Variants in NFKBIE observed in about 807,000 individuals in gnomAD.
NFKBIE encodes the protein NFKB inhibitor epsilon, also known as NF-kappa-B inhibitor epsilon.
Under a neutral mutation model 31.6 loss-of-function variants are expected in NFKBIE, and 11 were observed. The ratio of observed to expected loss-of-function variants is 0.35; its 90% confidence interval spans 0.22 to 0.58. NFKBIE has a LOEUF of 0.58. Ranked by LOEUF, NFKBIE falls within the 20% of genes least tolerant of loss-of-function variation. NFKBIE has a pLI of 0.83. For missense variants in NFKBIE, 354 were observed against 465.7 expected (o/e 0.76, Z 2.21); for synonymous variants, 208 against 210.1 (o/e 0.99, Z 0.09).
At position 44,265,083 on chromosome 6, in the gene NFKBIE, G is replaced by A. The variant is rs1470199340; in HGVS notation, c.264C>T (p.Pro88=). 1.9e-6 allele frequency: 3 copies of A among 1,560,570 alleles called. No individual in the cohort carries two copies. The highest frequency in any genetic ancestry group is 2.6e-6 in the Non-Finnish European group (3 of 1,151,308). The change falls in exon 1 of 6, where the codon CCC becomes CCT. Residue 88 remains proline (P), a synonymous_variant. Transcript: ENST00000619360. ...LTYTLSLLGG[P]EAEDPAPRLP... is the part of the protein sequence containing the mutation. Reference sequence around the variant, plus strand: ...GGCGTGGGGCCGGGTCCTCAGCCTCGGGGCCCCCCAGCAAGGACAGGGTGT... The same window carrying A: ...GGCGTGGGGCCGGGTCCTCAGCCTCAGGGCCCCCCAGCAAGGACAGGGTGT...
In NFKBIE at chr6:44,261,554, G is replaced by A; in HGVS notation, c.691+72C>T. ...CAAGCTGGGACCCTCCCTTCCCCAA[G>A]AGTGAGGTCCCTATCTCCTATGCCC... On this transcript the variant is annotated intron_variant, in intron 3 of 5. Transcript: ENST00000619360. This position sits in a 1 kb window ranked among gnomAD's most constrained non-coding sequence, Gnocchi z 4.3. The A allele has an allele frequency of 6.6e-7, 1 of 1,510,974 alleles. No homozygotes were observed. The highest frequency in any genetic ancestry group is 9.1e-7 in the Non-Finnish European group (1 of 1,098,546). 93.6% of individuals were successfully genotyped at this position (1,510,974 alleles called of 1,614,324 possible). A position where few individuals can be genotyped will look rare whatever the true frequency, so the allele number is the denominator to read the frequency against.
At position 44,260,826 on chromosome 6, in the gene NFKBIE, A is replaced by AACACACAC. The variant is rs369958691; in HGVS notation, c.692-295_692-288dup. ...CACCCTCCTCCTATACACAAACTACAACACACACACACACACACACACACA... is the reference window on the plus strand; with the variant it reads ...CACCCTCCTCCTATACACAAACTACAACACACACACACACACACACACACACACACACA... On this transcript the variant is annotated intron_variant, in intron 3 of 5. Transcript: ENST00000619360. This position sits in a 1 kb window ranked among gnomAD's most constrained non-coding sequence, Gnocchi z 5.5. Among the ~76,000 whole-genome samples the AACACACAC allele has an allele frequency of 3.1e-3, 375 of 119,138 alleles. No homozygotes were observed. Among genetic ancestry groups the AACACACAC allele is most frequent in the East Asian group, 5.5e-3 (20 of 3,644 alleles). The allele number at this position is 119,138 out of a possible 152,430, so 78.2% of individuals were successfully genotyped here.
In NFKBIE at chr6:44,258,949, G is replaced by A. The variant is rs1228307231; in HGVS notation, c.*270C>T. The A allele has an allele frequency of 6.2e-6, 2 of 324,430 alleles. No individual in the cohort carries two copies. The highest frequency in any genetic ancestry group is 1.2e-5 in the Non-Finnish European group (2 of 166,372). The allele number at this position is 324,430 out of a possible 1,614,324, so 20.1% of individuals were successfully genotyped here. A position where few individuals can be genotyped will look rare whatever the true frequency, so the allele number is the denominator to read the frequency against. The stretch of plus-strand genomic sequence containing the variant: ...AAGAGCACCTGCCATTTTCAAGAGA[G>A]GCAAACAGGCTTCACCCAGGATACC... On this transcript the variant is annotated 3_prime_UTR_variant, in exon 6 of 6. Transcript: ENST00000619360.
chr6:44,262,572 A>G lies in NFKBIE; in HGVS notation c.456T>C (p.Asn152=), dbSNP rs1781960714. 2 of 1,613,948 alleles carry G rather than the reference A, an allele frequency of 1.2e-6. No homozygotes were observed. Among genetic ancestry groups the G allele is most frequent in the Non-Finnish European group, 1.7e-6 (2 of 1,179,882 alleles). ...TCTCGCCACCAACCTGGTAAAGGTT[A>G]TTTTGAATGTCCAGGACCTCCTGGG... ...LLPQEVLDIQ[N]NLYQTALHLA... is the part of the protein sequence containing the mutation. Residue 152 remains asparagine, a synonymous_variant, in exon 2 of 6, where the codon AAT becomes AAC. Coordinates refer to ENST00000619360, the MANE Select transcript of NFKBIE (RefSeq NM_004556.3).
rs976281849 is a variant in NFKBIE at position 44,265,482 on chromosome 6, G to C, written c.-136C>G. The stretch of plus-strand genomic sequence containing the variant: ...GCGGCGGCCTCCTTCCCGGGCTGTG[G>C]GGCTCCGAGGGGCCGGCGCGCAGCG... On this transcript the variant is annotated 5_prime_UTR_variant, in exon 1 of 6. Transcript: ENST00000619360. 9.2e-6 allele frequency: 14 copies of C among 1,527,900 alleles called. No homozygotes were observed. The highest frequency in any genetic ancestry group is 1.1e-5 in the Non-Finnish European group (13 of 1,140,958). 94.6% of individuals were successfully genotyped at this position (1,527,900 alleles called of 1,614,324 possible).
rs1781938500 is a variant in NFKBIE at position 44,261,964 on chromosome 6, G to A, written c.469-116C>T. 6.8e-6 allele frequency: 6 copies of A among 887,678 alleles called. No homozygotes were observed. The highest frequency in any genetic ancestry group is 9.9e-6 in the Non-Finnish European group (6 of 608,140). The allele number at this position is 887,678 out of a possible 1,614,324, so 55.0% of individuals were successfully genotyped here. ...ATCTTCTTTGAAAGCAGCTTATAAA[G>A]GCCATAACCTGTTCTTCCAAGGAAA... is the stretch of plus-strand genomic sequence containing the variant. On this transcript the variant is annotated intron_variant, in intron 2 of 5. Transcript: ENST00000619360. The surrounding 1 kb of genome is among the most constrained non-coding windows in gnomAD (Gnocchi z 4.3).
Position 44,260,406 on chromosome 6 carries a change from T to A in NFKBIE, c.780+45A>T. 6.2e-7 allele frequency: 1 copy of A among 1,613,510 alleles called. No individual in the cohort carries two copies. Among genetic ancestry groups the A allele is most frequent in the Non-Finnish European group, 8.5e-7 (1 of 1,179,566 alleles). ...GCAGGGGACTTGGGGATGTGTCAGG[T>A]GGGGGCAGGCCCTGGGCCGGGCAGT... On this transcript the variant is annotated intron_variant, in intron 4 of 5. Coordinates refer to ENST00000619360, the MANE Select transcript of NFKBIE (RefSeq NM_004556.3). The surrounding 1 kb of genome is among the most constrained non-coding windows in gnomAD (Gnocchi z 5.5).
rs1781883747 is a variant in NFKBIE, at chr6:44,260,864, C to CACACACACACACACACACACAG, written c.692-326_692-325insCTGTGTGTGTGTGTGTGTGTGT. Among the ~76,000 whole-genome samples the CACACACACACACACACACACAG allele has an allele frequency of 9.3e-6, 1 of 107,236 alleles. No homozygotes were observed. Among genetic ancestry groups the CACACACACACACACACACACAG allele is most frequent in the East Asian group, 2.2e-4 (1 of 4,470 alleles). The allele number at this position is 107,236 out of a possible 152,430, so 70.4% of individuals were successfully genotyped here. A position where few individuals can be genotyped will look rare whatever the true frequency, so the allele number is the denominator to read the frequency against. On this transcript the variant is annotated intron_variant, in intron 3 of 5. Coordinates refer to ENST00000619360, the MANE Select transcript of NFKBIE (RefSeq NM_004556.3). This position sits in a 1 kb window ranked among gnomAD's most constrained non-coding sequence, Gnocchi z 5.5. ...ACACACACACACACACATACAGACA[C>CACACACACACACACACACACAG]ACACACACACACACACACACACACA...
rs114904655 is a variant in NFKBIE at position 44,260,193 on chromosome 6, C to T, written c.870G>A (p.Gln290=). The T allele has an allele frequency of 7.8e-5, 126 of 1,614,220 alleles. 1 individual carries two copies. In the East Asian group the frequency reaches 2.6e-3, roughly 33 times the overall value. ...LVQFLLQAGA[Q]VDARMLNGCT... ...ACCCGTTCAGCATGCGGGCATCTAC[C>T]TGGGCACCAGCCTGGAGCAGGAACT... Residue 290 remains glutamine, a synonymous_variant, in exon 5 of 6, where the codon CAG becomes CAA. Transcript: ENST00000619360. This position sits in a 1 kb window ranked among gnomAD's most constrained non-coding sequence, Gnocchi z 5.5.
At position 44,262,546 on chromosome 6, in the gene NFKBIE, C is replaced by G. The variant is rs1376913841; in HGVS notation, c.468+14G>C. 2 of 1,611,144 alleles carry G rather than the reference C, an allele frequency of 1.2e-6. No individual in the cohort carries two copies. On this transcript the variant is annotated intron_variant, in intron 2 of 5. Transcript: ENST00000619360. ...CAAACAGGTATCTGGGCATAACATT[C>G]TCTCGCCACCAACCTGGTAAAGGTT...
Position 44,265,456 on chromosome 6 carries a change from C to A in NFKBIE, c.-110G>T. The A allele has an allele frequency of 6.6e-7, 1 of 1,507,880 alleles. No individual in the cohort carries two copies. The allele number at this position is 1,507,880 out of a possible 1,614,324, so 93.4% of individuals were successfully genotyped here. On this transcript the variant is annotated 5_prime_UTR_variant, in exon 1 of 6. Coordinates refer to ENST00000619360, the MANE Select transcript of NFKBIE (RefSeq NM_004556.3). ...CGCTTGGCAGAGCGGGCGCCCGGCC[C>A]GCGGCGGCCTCCTTCCCGGGCTGTG...
rs1415403855 is a variant in NFKBIE, at chr6:44,263,326, A to T, written c.366-664T>A. ...GAAAATGTATTTGTTGAGGGGGCCA[A>T]GAACCTTAATCTAGGGGTAATGGGG... On this transcript the variant is annotated intron_variant, in intron 1 of 5. Coordinates refer to ENST00000619360, the MANE Select transcript of NFKBIE (RefSeq NM_004556.3). This position sits in a 1 kb window ranked among gnomAD's most constrained non-coding sequence, Gnocchi z 5.0. 1.3e-5 allele frequency among the ~76,000 whole-genome samples: 2 copies of T among 152,118 alleles called. No homozygotes were observed. Among genetic ancestry groups the T allele is most frequent in the Admixed American group, 6.5e-5 (1 of 15,278 alleles).
chr6:44,259,315 A>C, intron 5 of NFKBIE, 31 bp from the exon 6 acceptor site: 1 of 1,565,274 alleles, frequency 6.4e-7, no homozygotes, highest in Non-Finnish European at 8.8e-7. Context: ...AAGCAAGATC[A>C]GAGGACATGG....
rs1311819714 is a variant in NFKBIE, at chr6:44,260,598, C to T, written c.692-59G>A. Reference sequence around the variant, plus strand: ...TGATCTGCATCCACCAACTCCCTCTCTTCTGGGACCTCCCTACCACTCAGC... The same window carrying T: ...TGATCTGCATCCACCAACTCCCTCTTTTCTGGGACCTCCCTACCACTCAGC... On this transcript the variant is annotated intron_variant, in intron 3 of 5. Transcript: ENST00000619360. The surrounding 1 kb of genome is among the most constrained non-coding windows in gnomAD (Gnocchi z 5.5). The T allele has an allele frequency of 5.3e-6, 8 of 1,507,282 alleles. No homozygotes were observed. In the African/African-American group the frequency reaches 5.5e-5, roughly 10 times the overall value. 93.4% of individuals were successfully genotyped at this position (1,507,282 alleles called of 1,614,324 possible).
rs1398421364 is a variant in NFKBIE at position 44,260,868 on chromosome 6, C to CATACAG, written c.692-330_692-329insCTGTAT. Among the ~76,000 whole-genome samples the CATACAG allele has an allele frequency of 1.1e-4, 16 of 142,348 alleles. No homozygotes were observed. Among genetic ancestry groups the CATACAG allele is most frequent in the African/African-American group, 3.1e-4 (12 of 39,208 alleles). The allele number at this position is 142,348 out of a possible 152,430, so 93.4% of individuals were successfully genotyped here. A position where few individuals can be genotyped will look rare whatever the true frequency, so the allele number is the denominator to read the frequency against. ...ACACACACACACATACAGACACACA[C>CATACAG]ACACACACACACACACACACACAAC... On this transcript the variant is annotated intron_variant, in intron 3 of 5. Transcript: ENST00000619360. This position sits in a 1 kb window ranked among gnomAD's most constrained non-coding sequence, Gnocchi z 5.5.
chr6:44,261,862 T>TA lies in NFKBIE; in HGVS notation c.469-15dup, dbSNP rs1561913934. The TA allele has an allele frequency of 1.9e-6, 3 of 1,599,930 alleles. No homozygotes were observed. Among genetic ancestry groups the TA allele is most frequent in the Non-Finnish European group, 2.6e-6 (3 of 1,175,548 alleles). ...ATGGAGTGCTGTCTGGAGGCACAAATAGAGGGTCATGGGGCCACTGCAGCA... is the reference window on the plus strand; with the variant it reads ...ATGGAGTGCTGTCTGGAGGCACAAATAAGAGGGTCATGGGGCCACTGCAGCA... On this transcript the variant is annotated splice_polypyrimidine_tract_variant and intron_variant, in intron 2 of 5. Transcript: ENST00000619360. This position sits in a 1 kb window ranked among gnomAD's most constrained non-coding sequence, Gnocchi z 4.3.
intron 1 of NFKBIE, 97 bp downstream of exon 1, chr6:44,264,885 G>A (rs1782059559): frequency 2.3e-6 from 3 of 1,328,458 alleles, no homozygotes; most frequent in Non-Finnish European, 3.1e-6. Context: ...ATGGGGACTT[G>A]AAGGATCTTC....
chr6:44,264,952 A>G, intron 1 of NFKBIE, 30 bp downstream of exon 1: 1 of 1,546,974 alleles, frequency 6.5e-7, no homozygotes, highest in Non-Finnish European at 8.7e-7. Flanking sequence ...CAGAGTTAGC[A>G]TCCCGATTCA....
Position 44,261,703 on chromosome 6 carries a change from C to T in NFKBIE, c.614G>A (p.Arg205His), listed in dbSNP as rs1469303971. Residue 205 changes from arginine (R) to histidine (H), a missense_variant, in exon 3 of 6, where the codon CGC (arginine) becomes CAC (histidine). By Grantham distance (29) the Arg-to-His change is conservative. This residue lies in a region of NFKBIE where 183 missense variants were observed against 310.6 expected (regional missense o/e 0.59). Coordinates refer to ENST00000619360, the MANE Select transcript of NFKBIE (RefSeq NM_004556.3). This position sits in a 1 kb window ranked among gnomAD's most constrained non-coding sequence, Gnocchi z 4.3. Reference sequence around the variant, plus strand: ...CTCTGGCCGCCCTTCCAGCAGGCAGCGGGCACAGGCCAAGTGCTGGCGCTG... The same window carrying T: ...CTCTGGCCGCCCTTCCAGCAGGCAGTGGGCACAGGCCAAGTGCTGGCGCTG... ...ACQRQHLACA[R>H]CLLEGRPEPG... 8.1e-6 allele frequency: 13 copies of T among 1,614,146 alleles called. No homozygotes were observed. Among genetic ancestry groups the T allele is most frequent in the Admixed American group, 3.3e-5 (2 of 60,032 alleles).
Sources: allele counts gnomAD v4.1 joint callset (sites outside exome capture counted in the v4.1 genomes callset), GRCh38; gene constraint gnomAD v4.1.1; regional missense constraint gnomAD v4.1.1; non-coding constraint Gnocchi (gnomAD v3.1); transcripts MANE v1.5; gene names NCBI Gene and HGNC (gene_info 2026-07-23, HGNC 2026-07-21).